The following AURKA variants were observed in gnomAD, a reference collection of about 807,000 sequenced individuals.
AURKA encodes aurora 2.
A neutral mutation model predicts 40.9 loss-of-function variants in AURKA; 12 were observed. That is an observed-to-expected ratio of 0.29 (90% CI 0.19 to 0.48). The LOEUF is 0.48. AURKA is among the 20% of genes least tolerant of loss of function. AURKA has a pLI of 0.99. For missense variants in AURKA, 322 were observed against 462.1 expected (o/e 0.70, Z 2.78); for synonymous variants, 170 against 164.3 (o/e 1.03, Z -0.26).
chr20:56,385,247 A>T (rs546394120), intron 3 of AURKA, among the ~76,000 whole-genome samples: 2 of 152,292 alleles, frequency 1.3e-5, no homozygotes, highest in African/African-American at 2.4e-5. Context: ...GGCTACCTTC[A>T]TGAAGTGGTT....
chr20:56,370,623 G>A lies in AURKA; in HGVS notation c.891C>T (p.Pro297=). The A allele has an allele frequency of 6.2e-7, 1 of 1,614,136 alleles. No individual in the cohort carries two copies. The highest frequency in any genetic ancestry group is 1.3e-5 in the African/African-American group (1 of 75,024). ...TTLCGTLDYL[P]PEMIEGRMHD... ...GCATCCGACCTTCAATCATTTCAGG[G>A]GGCAGGTAGTCCAGGGTGCCACAGA... Residue 297 remains proline (P), a synonymous_variant, in exon 8 of 9, where the codon CCC becomes CCT. Transcript: ENST00000395915.
chr20:56,369,555 C>T lies in AURKA; in HGVS notation c.*603G>A, dbSNP rs538810765. 1.2e-5 allele frequency: 3 copies of T among 249,044 alleles called. No individual in the cohort carries two copies. The Admixed American group carries it at 1.4e-4, about 12-fold the overall frequency. 15.4% of individuals were successfully genotyped at this position (249,044 alleles called of 1,614,324 possible). On this transcript the variant is annotated 3_prime_UTR_variant, in exon 9 of 9. Transcript: ENST00000395915. ...CACGTGTTCCTATTTTTCACACTCT[C>T]ATATGGGAGATAAGTGGTTAAGGAG...
At chr20:56,381,375 C>T (rs1233100791) in intron 6 of AURKA, 58 bp downstream of exon 6, 2 of 1,598,982 alleles carry the variant, frequency 1.3e-6, no homozygotes, top group Non-Finnish European at 1.7e-6. Context: ...AGGTACATTG[C>T]TATGGAGGAC....
chr20:56,381,639 A>G, intron 5 of AURKA, 68 bp from the exon 6 acceptor site: 1 of 1,591,208 alleles, frequency 6.3e-7, no homozygotes, highest in Non-Finnish European at 8.6e-7. Context: ...CAAAATGTCA[A>G]ACAAACTCTT....
intron 8 of AURKA, 55 bp downstream of exon 8, chr20:56,370,430 C>G: frequency 1.2e-6 from 2 of 1,613,990 alleles, no homozygotes; most frequent in Non-Finnish European, 1.7e-6. Flanking sequence ...GCAGTTCAGG[C>G]TGATAAGGAA....
chr20:56,371,379 G>A lies in AURKA; in HGVS notation c.855-720C>T, dbSNP rs142005702. On this transcript the variant is annotated intron_variant, in intron 7 of 8. Transcript: ENST00000395915. Reference sequence around the variant, plus strand: ...CAGGAGGCTGAGGCAGAAGAATGGCGTGAACCCGGGAGGCGAGCTTGTAGT... The same window carrying A: ...CAGGAGGCTGAGGCAGAAGAATGGCATGAACCCGGGAGGCGAGCTTGTAGT... Among the ~76,000 whole-genome samples, 1,169 of 151,630 alleles carry A rather than the reference G, an allele frequency of 7.7e-3. 12 individuals are homozygous for A. Among genetic ancestry groups the A allele is most frequent in the Middle Eastern group, 0.014 (4 of 292 alleles).
At chr20:56,372,940 T>A (rs1228298636) in intron 7 of AURKA, among the ~76,000 whole-genome samples, 1 of 152,206 alleles carries the variant, frequency 6.6e-6, no homozygotes, top group Non-Finnish European at 1.5e-5. Flanking sequence ...CTCTCACCAC[T>A]GCCCTCAAAG....
Position 56,373,158 on chromosome 20 carries a change from G to A in AURKA, c.854+250C>T, listed in dbSNP as rs556084958. On this transcript the variant is annotated intron_variant, in intron 7 of 8. Transcript: ENST00000395915. This position sits in a 1 kb window ranked among gnomAD's most constrained non-coding sequence, Gnocchi z 5.0. ...TGTTGACTCATTCATCCCTTCATTA[G>A]CCTCTAAGGACATTAAGCATCTTCA... Among the ~76,000 whole-genome samples, 34 of 152,138 alleles carry A rather than the reference G, an allele frequency of 2.2e-4. No homozygotes were observed. Among genetic ancestry groups the A allele is most frequent in the Admixed American group, 3.9e-4 (6 of 15,272 alleles).
Position 56,376,993 on chromosome 20 carries a change from C to T in AURKA, c.706-3437G>A, listed in dbSNP as rs530011446. ...TACTCAGGAGGCTGAGGCAGGAGAA[C>T]TGCTTGAACACAGGAGGTAGAAGTT... On this transcript the variant is annotated intron_variant, in intron 6 of 8. Transcript: ENST00000395915. Among the ~76,000 whole-genome samples the T allele has an allele frequency of 2.7e-4, 41 of 151,850 alleles. No individual in the cohort carries two copies. In the Middle Eastern group the frequency reaches 0.01, roughly 38 times the overall value.
rs1984553148 is a variant in AURKA at position 56,373,602 on chromosome 20, A to G, written c.706-46T>C. On this transcript the variant is annotated intron_variant, in intron 6 of 8. Transcript: ENST00000395915. This position sits in a 1 kb window ranked among gnomAD's most constrained non-coding sequence, Gnocchi z 5.0. ...GCCTATGTTTTAGATTTTATATAAC[A>G]CAAGTTAATATTAGACATCTCTTCC... 1 of 1,596,334 alleles carries G rather than the reference A, an allele frequency of 6.3e-7. No individual in the cohort carries two copies. Among genetic ancestry groups the G allele is most frequent in the African/African-American group, 1.3e-5 (1 of 74,598 alleles).
chr20:56,377,477 T>C (rs2146162547), intron 6 of AURKA, among the ~76,000 whole-genome samples: 1 of 151,046 alleles, frequency 6.6e-6, no homozygotes, highest in East Asian at 1.9e-4. Context: ...GATACACAGA[T>C]GGCAAATAAA....
intron 2 of AURKA, among the ~76,000 whole-genome samples, chr20:56,387,925 T>G (rs1276223082): frequency 6.6e-6 from 1 of 152,078 alleles, no homozygotes; most frequent in Non-Finnish European, 1.5e-5. Context: ...CTGCATACAG[T>G]GGAGGGATAT....
At chr20:56,390,615 A>T (rs1301942600) in intron 1 of AURKA, 2 of 151,960 alleles carry the variant, frequency 1.3e-5, no homozygotes, top group African/African-American at 4.8e-5. Context: ...CCTTCACTGA[A>T]GTTTCTTATC....
chr20:56,381,334 G>T, intron 6 of AURKA, 99 bp downstream of exon 6: 1 of 1,459,260 alleles, frequency 6.9e-7, no homozygotes, highest in Non-Finnish European at 9.6e-7. Context: ...CTATCCTTAC[G>T]TCAAGACAAA....
chr20:56,386,658 G>T, intron 2 of AURKA, 125 bp from the exon 3 acceptor site: 1 of 1,086,282 alleles, frequency 9.2e-7, no homozygotes, highest in Non-Finnish European at 1.3e-6. Context: ...AGAGATGGAA[G>T]GTGAAAAGGT....
In AURKA at chr20:56,370,473, G is replaced by A. The variant is rs770142049; in HGVS notation, c.1029+12C>T. 6.2e-7 allele frequency: 1 copy of A among 1,614,094 alleles called. No individual in the cohort carries two copies. The highest frequency in any genetic ancestry group is 1.3e-5 in the African/African-American group (1 of 74,926). ...CAGCAGATGTGCTGGGTCCTTTTCA[G>A]TTGCGTCTTACCCGTGATATTCTTT... On this transcript the variant is annotated intron_variant, in intron 8 of 8. Transcript: ENST00000395915.
intron 6 of AURKA, among the ~76,000 whole-genome samples, chr20:56,380,443 T>C (rs937928604): frequency 3.3e-5 from 5 of 151,782 alleles, no homozygotes; most frequent in Admixed American, 2.6e-4. Flanking sequence ...TATTGCATTA[T>C]AGCTCAAGAG....
chr20:56,376,269 T>C (rs764505230), intron 6 of AURKA, among the ~76,000 whole-genome samples: 6 of 152,198 alleles, frequency 3.9e-5, no homozygotes, highest in South Asian at 2.1e-4. Context: ...TTAATGAGCA[T>C]AGATTTACTT....
intron 1 of AURKA, 65 bp from the exon 2 acceptor site, chr20:56,388,267 T>TA: frequency 7.9e-7 from 1 of 1,273,716 alleles, no homozygotes; most frequent in Non-Finnish European, 1.1e-6. Context: ...TGTTGCTCGA[T>TA]AGGCAGCGTT....
Sources: gnomAD v4.1 joint callset for allele counts (sites outside exome capture counted in the v4.1 genomes callset) on GRCh38, gnomAD v4.1.1 for gene constraint, Gnocchi (gnomAD v3.1) non-coding constraint, MANE v1.5 for transcripts, NCBI Gene and HGNC (gene_info 2026-07-23, HGNC 2026-07-21) for gene names.